Variants in PIK3C3 observed in about 807,000 individuals in gnomAD.
PIK3C3 encodes the protein phosphatidylinositol 3-kinase catalytic subunit type 3, also known as PI3-kinase type 3.
PIK3C3 carries 95 observed loss-of-function variants against 126.1 expected under a neutral mutation model. The observed-to-expected ratio is 0.75, with a 90% confidence interval of 0.64 to 0.89. The LOEUF is 0.89. Among genes scored for constraint, PIK3C3 ranks in the 40% least tolerant of loss-of-function variants. The pLI is 0.00. For synonymous variants in PIK3C3, 374 were observed against 360.0 expected (o/e 1.04, Z -0.44); for missense variants, 829 against 1,063.2 (o/e 0.78, Z 3.06).
chr18:41,963,941 G>A (rs1319200511), intron 3 of PIK3C3, among the ~76,000 whole-genome samples: 1 of 150,376 alleles, frequency 6.6e-6, no homozygotes, highest in Non-Finnish European at 1.5e-5. Context: ...GGTTTGGTTT[G>A]TTCTTTTGAA....
chr18:42,076,105 TATATATATATATATATGCGC>T (rs1441894257), intron 24 of PIK3C3, among the ~76,000 whole-genome samples: 19 of 74,646 alleles, frequency 2.5e-4, no homozygotes, highest in African/African-American at 6.6e-4. Context: ...TATATATATA[TATATATATATATATATGCGC>T]ATATATATAT....
intron 21 of PIK3C3, chr18:42,052,881 T>G (rs556215304): frequency 7.6e-4 from 116 of 152,352 alleles, no homozygotes; most frequent in African/African-American, 2.7e-3. Flanking sequence ...GTCCAATCTT[T>G]CAATGGCTGA....
At chr18:42,008,435 A>G (rs1312623219) in intron 10 of PIK3C3, among the ~76,000 whole-genome samples, 2 of 152,200 alleles carry the variant, frequency 1.3e-5, no homozygotes, top group East Asian at 3.9e-4. Context: ...TGTGGGATAT[A>G]TGTAGTAGCC....
intron 3 of PIK3C3, among the ~76,000 whole-genome samples, chr18:41,968,662 C>T (rs1372672431): frequency 1.3e-5 from 2 of 152,100 alleles, no homozygotes; most frequent in Non-Finnish European, 2.9e-5. Context: ...ATGTTTATGG[C>T]ATCATTACTT....
At chr18:41,996,777 T>C in intron 9 of PIK3C3, 47 bp downstream of exon 9, 1 of 933,884 alleles carries the variant, frequency 1.1e-6, no homozygotes, top group Non-Finnish European at 1.7e-6. Context: ...CTACCAACTT[T>C]GTTATTAATG....
intron 19 of PIK3C3, among the ~76,000 whole-genome samples, chr18:42,041,376 T>C (rs1984310191): frequency 6.6e-6 from 1 of 152,120 alleles, no homozygotes; most frequent in Admixed American, 6.5e-5. Context: ...TGCTCATCTG[T>C]CTTTTGTACA....
intron 10 of PIK3C3, among the ~76,000 whole-genome samples, chr18:42,011,922 G>T (rs560522857): frequency 6.6e-6 from 1 of 152,108 alleles, no homozygotes; most frequent in Non-Finnish European, 1.5e-5. Context: ...CTGGTTGTTG[G>T]ATTAGTCAGA....
intron 9 of PIK3C3, among the ~76,000 whole-genome samples, chr18:42,003,782 T>C (rs191765094): frequency 6.6e-6 from 1 of 152,308 alleles, no homozygotes; most frequent in African/African-American, 2.4e-5. Flanking sequence ...TGCTTCTGTT[T>C]TGAGGTTTTG....
rs1386193294 is a variant in PIK3C3, at chr18:42,008,095, C to T, written c.1170+3554C>T. ...TCAATCTACTGTAAGTATGCTGATA[C>T]ATTTCCTAATGTTTTATCAGCCATA... is the stretch of plus-strand genomic sequence containing the variant. On this transcript the variant is annotated intron_variant, in intron 10 of 24. Coordinates refer to ENST00000262039, the MANE Select transcript of PIK3C3 (RefSeq NM_002647.4). 2.0e-5 allele frequency among the ~76,000 whole-genome samples: 3 copies of T among 152,100 alleles called. No homozygotes were observed. The East Asian group carries it at 5.8e-4, about 29-fold the overall frequency.
chr18:42,072,385 A>G lies in PIK3C3; in HGVS notation c.2649+4872A>G, dbSNP rs578153434. On this transcript the variant is annotated intron_variant, in intron 24 of 24. Transcript: ENST00000262039. ...ATGCTACAAAAGCTTGTTTTCTTTC[A>G]TCATGCAATTCCTTAGGAAGGGTAG... Among the ~76,000 whole-genome samples, 20 of 152,328 alleles carry G rather than the reference A, an allele frequency of 1.3e-4. No individual in the cohort carries two copies. The South Asian group carries it at 4.1e-3, about 32-fold the overall frequency.
chr18:42,017,150 C>T (rs1304670126), intron 12 of PIK3C3, among the ~76,000 whole-genome samples: 1 of 151,960 alleles, frequency 6.6e-6, no homozygotes, highest in Non-Finnish European at 1.5e-5. Flanking sequence ...TCCCCTATTC[C>T]CATAGAGTGT....
intron 24 of PIK3C3, among the ~76,000 whole-genome samples, chr18:42,072,972 C>T (rs1018526378): frequency 6.6e-6 from 1 of 152,152 alleles, no homozygotes; most frequent in African/African-American, 2.4e-5. Flanking sequence ...CCTGTTTCTG[C>T]TTCTCCCTGT....
Position 42,049,597 on chromosome 18 carries a change from C to G in PIK3C3, c.2255C>G (p.Thr752Arg). Residue 752 changes from threonine (T) to arginine (R), a missense_variant, in exon 21 of 25, where the codon ACA becomes AGA. Thr to Arg is a moderately conservative substitution (Grantham distance 71). Coordinates refer to ENST00000262039, the MANE Select transcript of PIK3C3 (RefSeq NM_002647.4). ...GDRHLDNLLL[T>R]KTGKLFHIDF... The stretch of plus-strand genomic sequence containing the variant: ...AGGCACCTGGATAACCTTTTGCTAA[C>G]AAAAACAGGTAACAATTAATGACTA... 1 of 1,609,708 alleles carries G rather than the reference C, an allele frequency of 6.2e-7. No individual in the cohort carries two copies.
At chr18:41,997,295 C>CAGGT (rs1389712906) in intron 9 of PIK3C3, among the ~76,000 whole-genome samples, 1 of 151,996 alleles carries the variant, frequency 6.6e-6, no homozygotes, top group Admixed American at 6.6e-5. Context: ...GAGTAGCATA[C>CAGGT]AGGTTGGCAT....
chr18:41,979,653 A>G (rs1981097721), intron 4 of PIK3C3, among the ~76,000 whole-genome samples: 1 of 152,146 alleles, frequency 6.6e-6, no homozygotes, highest in African/African-American at 2.4e-5. Context: ...GTTTTATTTT[A>G]CGCTTTTAAG....
At chr18:42,069,063 T>C (rs1229480282) in intron 24 of PIK3C3, among the ~76,000 whole-genome samples, 1 of 152,186 alleles carries the variant, frequency 6.6e-6, no homozygotes, top group Admixed American at 6.5e-5. Context: ...CAATGCCTTA[T>C]ATACTTAAAA....
At chr18:41,977,616 T>C (rs1284638076) in intron 4 of PIK3C3, among the ~76,000 whole-genome samples, 1 of 151,868 alleles carries the variant, frequency 6.6e-6, no homozygotes, top group African/African-American at 2.4e-5. Context: ...GCCTGCTGAG[T>C]AGCTGGGATT....
chr18:42,004,650 T>A (rs1025980845), intron 10 of PIK3C3, 109 bp downstream of exon 10: 2 of 820,630 alleles, frequency 2.4e-6, no homozygotes, highest in Non-Finnish European at 3.7e-6. Context: ...TGTGTGCACA[T>A]GCAAGAGAGA....
At chr18:41,967,644 C>T (rs1374511882) in intron 3 of PIK3C3, among the ~76,000 whole-genome samples, 12 of 152,132 alleles carry the variant, frequency 7.9e-5, no homozygotes, top group Non-Finnish European at 1.5e-5. Context: ...AATTGAAATA[C>T]TGATTTGTTA....
Sources: allele counts gnomAD v4.1 joint callset (sites outside exome capture counted in the v4.1 genomes callset), GRCh38; gene constraint gnomAD v4.1.1; transcripts MANE v1.5; gene names NCBI Gene and HGNC (gene_info 2026-07-23, HGNC 2026-07-21).